Variants in CD5 observed in about 807,000 individuals in gnomAD.
The protein encoded by CD5 is CD5 molecule, also known as T-cell surface glycoprotein CD5.
Under a neutral mutation model 60.3 loss-of-function variants are expected in CD5, and 36 were observed. The ratio of observed to expected loss-of-function variants is 0.60; its 90% CI spans 0.46 to 0.79. The LOEUF (loss-of-function observed/expected upper bound fraction) is 0.79, where lower values mean the gene tolerates loss of function less well. Ranked by LOEUF, CD5 falls within the 30% of genes least tolerant of loss-of-function variation. The probability of loss-of-function intolerance (pLI) is 0.00; values close to 1 mark genes in which losing one functional copy is unlikely to be tolerated. For synonymous variants in CD5, 230 were observed against 257.6 expected (o/e 0.89, Z 1.03); for missense variants, 540 against 630.6 (o/e 0.86, Z 1.54).
At chr11:61,101,307 T>G (rs1433571361), upstream of CD5, among the ~76,000 whole-genome samples, 2 of 98,528 alleles carry the variant, frequency 2.0e-5, no homozygotes, top group Non-Finnish European at 4.0e-5. Context: ...CACATCAACA[T>G]GGAGATTACA....
At chr11:61,098,842 G>A (rs1008092387), upstream of CD5, among the ~76,000 whole-genome samples, 11 of 152,184 alleles carry the variant, frequency 7.2e-5, no homozygotes, top group African/African-American at 2.4e-4. Context: ...TCCTGCTACA[G>A]GTCTAAGTGG....
rs749033461 is a variant in CD5 at position 61,115,069 on chromosome 11, C to T, written c.69C>T (p.Leu23=). The change falls in exon 2 of 11, where the codon CTC becomes CTT. Residue 23 remains leucine, a synonymous_variant. Transcript: ENST00000347785. ...TTCTTTCTGCAGTCGCTTCCTGCCT[C>T]GGACGGCTCAGCTGGTATGACCCAG... ...YLLGMLVASC[L]GRLSWYDPDF... 53 of 1,558,758 alleles carry T rather than the reference C, an allele frequency of 3.4e-5. No individual in the cohort carries two copies. The highest frequency in any genetic ancestry group is 7.1e-5 in the South Asian group (6 of 84,496).
At chr11:61,105,523 A>T (rs187438583) in intron 1 of CD5, among the ~76,000 whole-genome samples, 1 of 152,326 alleles carries the variant, frequency 6.6e-6, no homozygotes, top group Non-Finnish European at 1.5e-5. Flanking sequence ...TACTCAATAA[A>T]CAATAATAAC....
At chr11:61,115,229 C>A in intron 2 of CD5, 135 bp downstream of exon 2, 1 of 717,098 alleles carries the variant, frequency 1.4e-6, no homozygotes, top group Non-Finnish European at 2.3e-6. Flanking sequence ...GAGAGTGAAC[C>A]CCAGCATACA....
chr11:61,121,598 C>A lies in CD5; in HGVS notation c.806-13C>A. The A allele has an allele frequency of 6.9e-7, 1 of 1,445,656 alleles. No individual in the cohort carries two copies. The allele number at this position is 1,445,656 out of a possible 1,614,324, so 89.6% of individuals were successfully genotyped here. ...ACACTTGCACCCTCCTTTCCCATTG[C>A]TTCCCCTCTCAGGTTTCCAGCCCAA... On this transcript the variant is annotated splice_polypyrimidine_tract_variant and intron_variant, in intron 5 of 10. Transcript: ENST00000347785.
chr11:61,101,610 TCACACACACATATCAACATGGAGATCA>T (rs1464526821), upstream of CD5, among the ~76,000 whole-genome samples: 3 of 128,144 alleles, frequency 2.3e-5, no homozygotes, highest in African/African-American at 9.3e-5. Context: ...AACATGGAAA[TCACACACACATATCAACATGGAGATCA>T]CACACACACA....
chr11:61,097,679 C>T (rs191169568), upstream of CD5, among the ~76,000 whole-genome samples: 651 of 152,258 alleles, frequency 4.3e-3, 4 homozygotes, highest in African/African-American at 0.015. Flanking sequence ...TCCTGGGCTT[C>T]CCTGTCTATG....
chr11:61,115,316 C>T (rs916282278), intron 2 of CD5, among the ~76,000 whole-genome samples: 7 of 152,142 alleles, frequency 4.6e-5, no homozygotes, highest in African/African-American at 1.7e-4. Context: ...CGTAAATCAC[C>T]CACAAATGCC....
At chr11:61,122,865 C>T (rs1172304251) in intron 6 of CD5, 42 bp from the exon 7 acceptor site, 1 of 1,547,540 alleles carries the variant, frequency 6.5e-7, no homozygotes, top group African/African-American at 1.4e-5. Flanking sequence ...AGTTTTTCTC[C>T]CCCCAGGACT....
chr11:61,105,128 A>G (rs952732662), intron 1 of CD5, among the ~76,000 whole-genome samples: 6 of 152,234 alleles, frequency 3.9e-5, no homozygotes, highest in African/African-American at 1.4e-4. Flanking sequence ...GGACCTTTGG[A>G]TCCTGAGGCA....
At chr11:61,116,044 G>A (rs1860937951) in intron 2 of CD5, among the ~76,000 whole-genome samples, 1 of 152,176 alleles carries the variant, frequency 6.6e-6, no homozygotes, top group Admixed American at 6.5e-5. Flanking sequence ...CCAGCCAAGT[G>A]CCCTTGGCGA....
At chr11:61,112,856 G>C (rs1860877797) in intron 1 of CD5, among the ~76,000 whole-genome samples, 1 of 152,142 alleles carries the variant, frequency 6.6e-6, no homozygotes, top group Non-Finnish European at 1.5e-5. Context: ...CTTGATTCGG[G>C]GACAAGGATG....
Position 61,123,903 on chromosome 11 carries a change from C to A in CD5, c.1245C>A (p.Arg415=), listed in dbSNP as rs1353460817. 4 of 1,613,402 alleles carry A rather than the reference C, an allele frequency of 2.5e-6. No homozygotes were observed. The Admixed American group carries it at 6.7e-5, about 27-fold the overall frequency. ...GCCCAGTCCGCCAGAAGAAGCAGCG[C>A]CAGTGGATTGGCCCAACGGGAATGA... ...LVKKFRQKKQ[R]QWIGPTGMNQ... Residue 415 remains arginine (R), a synonymous_variant, in exon 8 of 11, where the codon CGC becomes CGA. Transcript: ENST00000347785.
At position 61,125,897 on chromosome 11, in the gene CD5, G is replaced by C. The variant is rs867375823; in HGVS notation, c.*2+56G>C. 11 of 1,245,162 alleles carry C rather than the reference G, an allele frequency of 8.8e-6. No individual in the cohort carries two copies. The Admixed American group carries it at 2.4e-4, about 27-fold the overall frequency. The allele number at this position is 1,245,162 out of a possible 1,614,324, so 77.1% of individuals were successfully genotyped here. Reference sequence around the variant, plus strand: ...CCCAGGGTCCCCCACAGTCCTGGGGGTGAGCAGCAGCCACTCAATGCCTCC... The same window carrying C: ...CCCAGGGTCCCCCACAGTCCTGGGGCTGAGCAGCAGCCACTCAATGCCTCC... On this transcript the variant is annotated intron_variant, in intron 10 of 10. Coordinates refer to ENST00000347785, the MANE Select transcript of CD5 (RefSeq NM_014207.4).
rs529159936 is a variant in CD5, at chr11:61,104,922, C to T, written c.55+2307C>T. Reference sequence around the variant, plus strand: ...AGCTAAAAGGGAAGGCCACCAAAGGCACTTCCGTGTGCAGGAAAATGGCCC... The same window carrying T: ...AGCTAAAAGGGAAGGCCACCAAAGGTACTTCCGTGTGCAGGAAAATGGCCC... On this transcript the variant is annotated intron_variant, in intron 1 of 10. Coordinates refer to ENST00000347785, the MANE Select transcript of CD5 (RefSeq NM_014207.4). Among the ~76,000 whole-genome samples, 5 of 152,374 alleles carry T rather than the reference C, an allele frequency of 3.3e-5. No individual in the cohort carries two copies. In the East Asian group the frequency reaches 9.6e-4, roughly 29 times the overall value.
Position 61,119,361 on chromosome 11 carries a change from G to A in CD5, c.591G>A (p.Glu197=). The A allele has an allele frequency of 1.9e-6, 3 of 1,614,178 alleles. No homozygotes were observed. Among genetic ancestry groups the A allele is most frequent in the Non-Finnish European group, 2.5e-6 (3 of 1,180,040 alleles). The change falls in exon 5 of 11, where the codon GAG becomes GAA. Residue 197 remains glutamate (E), a synonymous_variant. Transcript: ENST00000347785. ...YEAQDKTQDL[E]NFLCNNLQCG... is the part of the protein sequence containing the mutation. ...CCCAGGACAAGACCCAGGACCTGGA[G>A]AACTTCCTCTGCAACAACCTCCAGT... is the stretch of plus-strand genomic sequence containing the variant.
chr11:61,115,591 C>T (rs545858846), intron 2 of CD5, among the ~76,000 whole-genome samples: 21 of 152,298 alleles, frequency 1.4e-4, no homozygotes, highest in Middle Eastern at 3.4e-3. Flanking sequence ...CAGGCAACAC[C>T]GCATCTCCCA....
At chr11:61,123,155 A>G (rs1590775833) in intron 7 of CD5, 123 bp downstream of exon 7, 6 of 1,154,488 alleles carry the variant, frequency 5.2e-6, no homozygotes, top group Non-Finnish European at 7.1e-6. Flanking sequence ...CCTCTGCTTC[A>G]CCACCCAGCC....
At chr11:61,125,892 T>C in intron 10 of CD5, 51 bp downstream of exon 10, 1 of 1,340,570 alleles carries the variant, frequency 7.5e-7, no homozygotes. Flanking sequence ...CCCACAGTCC[T>C]GGGGGTGAGC....
Sources: allele counts gnomAD v4.1 joint callset (sites outside exome capture counted in the v4.1 genomes callset), GRCh38; gene constraint gnomAD v4.1.1; transcripts MANE v1.5; gene names NCBI Gene and HGNC (gene_info 2026-07-23, HGNC 2026-07-21).